The following FGF12 variants were observed in gnomAD, a reference collection of about 807,000 sequenced individuals.
FGF12 encodes the protein fibroblast growth factor 12B.
FGF12 carries 14 observed loss-of-function variants against 23.6 expected under a neutral mutation model. That is an observed-to-expected ratio of 0.59 (90% CI 0.39 to 0.93). The LOEUF (loss-of-function observed/expected upper bound fraction) is 0.93. FGF12 is among the 40% of genes least tolerant of loss of function. The pLI is 0.00. For synonymous variants in FGF12, 62 were observed against 77.3 expected (o/e 0.80, Z 1.04); for missense variants, 175 against 217.8 (o/e 0.80, Z 1.24).
intron 2 of FGF12, among the ~76,000 whole-genome samples, chr3:192,558,530 T>C (rs542379202): frequency 6.6e-6 from 1 of 151,862 alleles, no homozygotes; most frequent in African/African-American, 2.4e-5. Flanking sequence ...AGATTTAATG[T>C]AATTGCTATC....
rs150203612 is a variant in FGF12 at position 192,655,104 on chromosome 3, A to G, written c.13+72077T>C. 7.5e-4 allele frequency among the ~76,000 whole-genome samples: 115 copies of G among 152,318 alleles called. 2 individuals carry two copies. In the East Asian group the frequency reaches 0.02, roughly 26 times the overall value. ...TTATGAAACATCTTCTTAAAGTCCT[A>G]TTTTGTATATGGTGTATAAAACATC... On this transcript the variant is annotated intron_variant, in intron 2 of 5. Coordinates refer to ENST00000445105, the MANE Select transcript of FGF12 (RefSeq NM_004113.6).
intron 2 of FGF12, among the ~76,000 whole-genome samples, chr3:192,616,013 A>T (rs1714741872): frequency 6.6e-6 from 1 of 151,984 alleles, no homozygotes; most frequent in South Asian, 2.1e-4. Flanking sequence ...AAAATTCTAC[A>T]ATAATTATTA....
intron 2 of FGF12, among the ~76,000 whole-genome samples, chr3:192,463,621 A>G (rs1308168484): frequency 6.6e-6 from 1 of 152,148 alleles, no homozygotes. Flanking sequence ...TTTGATTCCC[A>G]AAAACCACCC....
intron 2 of FGF12, among the ~76,000 whole-genome samples, chr3:192,597,467 C>T (rs1713908046): frequency 6.6e-6 from 1 of 152,046 alleles, no homozygotes; most frequent in East Asian, 1.9e-4. Context: ...GACTGTTTTG[C>T]AGTGCAGGAA....
At chr3:192,270,605 T>C (rs149169238) in intron 4 of FGF12, among the ~76,000 whole-genome samples, 2 of 152,300 alleles carry the variant, frequency 1.3e-5, no homozygotes, top group Non-Finnish European at 2.9e-5. Context: ...AGAGAATTAT[T>C]GTATCTTATA....
chr3:192,601,889 T>G (rs911797939), intron 2 of FGF12, among the ~76,000 whole-genome samples: 8 of 152,086 alleles, frequency 5.3e-5, no homozygotes, highest in African/African-American at 1.9e-4. Flanking sequence ...AAGAAGTCTG[T>G]ACATATTCAG....
At chr3:192,548,836 C>A (rs985993131) in intron 2 of FGF12, among the ~76,000 whole-genome samples, 4 of 151,962 alleles carry the variant, frequency 2.6e-5, no homozygotes, top group African/African-American at 7.3e-5. Flanking sequence ...GCAATATTAA[C>A]CTAAAAAATG....
chr3:192,472,174 G>A (rs1002697000), intron 2 of FGF12, among the ~76,000 whole-genome samples: 2 of 151,846 alleles, frequency 1.3e-5, no homozygotes, highest in African/African-American at 2.4e-5. Flanking sequence ...CTGCCACCAC[G>A]CCCGGCTAAT....
chr3:192,265,585 G>C (rs752039929), intron 4 of FGF12, among the ~76,000 whole-genome samples: 15 of 152,146 alleles, frequency 9.9e-5, no homozygotes, highest in Admixed American at 2.0e-4. Flanking sequence ...TTAAAAAGAA[G>C]AATATTTGAT....
chr3:192,237,845 G>C (rs1215442764), intron 4 of FGF12, among the ~76,000 whole-genome samples: 1 of 152,116 alleles, frequency 6.6e-6, no homozygotes, highest in Non-Finnish European at 1.5e-5. Context: ...ATTTCATTCT[G>C]GTTAAGAACC....
intron 2 of FGF12, among the ~76,000 whole-genome samples, chr3:192,652,218 CA>C (rs1336942445): frequency 2.0e-5 from 3 of 152,158 alleles, no homozygotes; most frequent in African/African-American, 7.2e-5. Flanking sequence ...TATGGGAACC[CA>C]TTGAACAATT....
At chr3:192,714,245 A>G (rs1257573258) in intron 2 of FGF12, among the ~76,000 whole-genome samples, 4 of 152,260 alleles carry the variant, frequency 2.6e-5, no homozygotes, top group South Asian at 4.1e-4. Context: ...GGAAAACAAA[A>G]ATCAAGACCA....
chr3:192,158,395 C>CT (rs1553844161), intron 5 of FGF12, among the ~76,000 whole-genome samples: 7 of 72,842 alleles, frequency 9.6e-5, no homozygotes, highest in South Asian at 5.8e-4. Flanking sequence ...TTCTTTCTCT[C>CT]TCTTTCTTTT....
At chr3:192,167,163 CAAA>C (rs35097529) in intron 5 of FGF12, among the ~76,000 whole-genome samples, 3,702 of 108,060 alleles carry the variant, frequency 0.034, 164 homozygotes, top group African/African-American at 0.12. Context: ...ATATGGCTAT[CAAA>C]AAAAAAAAAA....
At chr3:192,544,258 G>T (rs1294902078) in intron 2 of FGF12, among the ~76,000 whole-genome samples, 1 of 152,118 alleles carries the variant, frequency 6.6e-6, no homozygotes, top group African/African-American at 2.4e-5. Flanking sequence ...GGGGGGAGGG[G>T]GATGGGTACT....
chr3:192,656,014 A>G (rs1577102453), intron 2 of FGF12, among the ~76,000 whole-genome samples: 1 of 150,132 alleles, frequency 6.7e-6, no homozygotes, highest in South Asian at 2.2e-4. Flanking sequence ...GCCAGAAAAG[A>G]AATTCCCTCA....
intron 2 of FGF12, among the ~76,000 whole-genome samples, chr3:192,607,846 T>TAAAAAA (rs36061162): frequency 1.9e-4 from 23 of 121,984 alleles, no homozygotes; most frequent in African/African-American, 3.2e-4. Flanking sequence ...CACTGAAAAT[T>TAAAAAA]AAAAAAAAAA....
chr3:192,148,979 G>T lies in FGF12; in HGVS notation c.428-4852C>A, dbSNP rs142665562. Among the ~76,000 whole-genome samples the T allele has an allele frequency of 1.2e-3, 177 of 152,270 alleles. 2 individuals are homozygous for T. Among genetic ancestry groups the T allele is most frequent in the South Asian group, 6.6e-3 (32 of 4,820 alleles). Reference sequence around the variant, plus strand: ...ACACTACAGGACTGGGTAAAATAGGGAGGTGATGACGAATAAGAAGGATAA... The same window carrying T: ...ACACTACAGGACTGGGTAAAATAGGTAGGTGATGACGAATAAGAAGGATAA... On this transcript the variant is annotated intron_variant, in intron 5 of 5. Transcript: ENST00000445105.
intron 2 of FGF12, among the ~76,000 whole-genome samples, chr3:192,596,266 C>T (rs917419466): frequency 5.3e-5 from 8 of 151,696 alleles, no homozygotes; most frequent in African/African-American, 1.7e-4. Flanking sequence ...TTTATTGAAA[C>T]GTCAAGACTG....
Sources: gnomAD v4.1 joint callset for allele counts (sites outside exome capture counted in the v4.1 genomes callset) on GRCh38, gnomAD v4.1.1 for gene constraint, MANE v1.5 for transcripts, NCBI Gene and HGNC (gene_info 2026-07-23, HGNC 2026-07-21) for gene names.